The following NECTIN2 variants were observed in gnomAD, a reference collection of about 807,000 sequenced individuals.
The protein encoded by NECTIN2 is nectin cell adhesion molecule 2, also known as nectin-2.
In NECTIN2, 23 loss-of-function variants were observed where a neutral mutation model predicts 56.9. The ratio of observed to expected loss-of-function variants is 0.40; its 90% CI spans 0.29 to 0.57. NECTIN2 has a LOEUF of 0.57. Among genes scored for constraint, NECTIN2 ranks in the 20% least tolerant of loss-of-function variants. NECTIN2 has a pLI of 0.38. For missense variants in NECTIN2, 587 were observed against 718.3 expected (o/e 0.82, Z 2.09); for synonymous variants, 302 against 313.8 (o/e 0.96, Z 0.40).
intron 2 of NECTIN2, 38 bp from the exon 3 acceptor site, chr19:44,871,815 G>T (rs371213833): frequency 1.0e-5 from 16 of 1,593,740 alleles, no homozygotes; most frequent in Non-Finnish European, 1.2e-5. Flanking sequence ...AATGACTGCC[G>T]GTGAGGAGTG....
chr19:44,859,134 G>T (rs1049050672), intron 1 of NECTIN2, among the ~76,000 whole-genome samples: 2 of 152,150 alleles, frequency 1.3e-5, no homozygotes, highest in African/African-American at 4.8e-5. Context: ...CGCCTCCATG[G>T]CCCATCTCCA....
rs1464875333 is a variant in NECTIN2, at chr19:44,874,765, G to GA, written c.1042+288dup. 3.6e-5 allele frequency: 13 copies of GA among 359,934 alleles called. No individual in the cohort carries two copies. In the Admixed American group the frequency reaches 4.5e-4, roughly 12 times the overall value. The allele number at this position is 359,934 out of a possible 1,614,324, so 22.3% of individuals were successfully genotyped here. A position where few individuals can be genotyped will look rare whatever the true frequency, so the allele number is the denominator to read the frequency against. ...GGGTAGGGTCCTCACGAATAGACCC[G>GA]AGGAAGCTGCCCTGGGCTCCAGCTC... On this transcript the variant is annotated intron_variant, in intron 5 of 8. Coordinates refer to ENST00000252483, the MANE Select transcript of NECTIN2 (RefSeq NM_001042724.2). This position sits in a 1 kb window ranked among gnomAD's most constrained non-coding sequence, Gnocchi z 6.3.
At chr19:44,869,641 A>G (rs180727863) in intron 2 of NECTIN2, among the ~76,000 whole-genome samples, 1 of 151,508 alleles carries the variant, frequency 6.6e-6, no homozygotes, top group Non-Finnish European at 1.5e-5. Context: ...GTAGGGTTTA[A>G]TCAAGCCCAA....
chr19:44,860,093 G>C (rs775851138), intron 1 of NECTIN2, among the ~76,000 whole-genome samples: 1 of 152,188 alleles, frequency 6.6e-6, no homozygotes, highest in Non-Finnish European at 1.5e-5. Flanking sequence ...CCAAGTGAAA[G>C]AAGCCAGACA....
intron 1 of NECTIN2, among the ~76,000 whole-genome samples, chr19:44,857,143 T>A (rs750095165): frequency 1.3e-5 from 2 of 152,106 alleles, no homozygotes; most frequent in Non-Finnish European, 2.9e-5. Flanking sequence ...GTATAGAGTT[T>A]ATTCAAGCCT....
intron 3 of NECTIN2, among the ~76,000 whole-genome samples, chr19:44,872,615 CCGTTA>C (rs1468069017): frequency 6.6e-6 from 1 of 151,890 alleles, no homozygotes; most frequent in Non-Finnish European, 1.5e-5. Context: ...TGCCCCTGGA[CCGTTA>C]GATCAATCAT....
chr19:44,874,267 G>A lies in NECTIN2; in HGVS notation c.894-63G>A. ...GGCTCCTGGTGGGTGTATCTTTAGGGATGAGGCCTGTGCTCCCCTCTCGAC... is the reference window on the plus strand; with the variant it reads ...GGCTCCTGGTGGGTGTATCTTTAGGAATGAGGCCTGTGCTCCCCTCTCGAC... On this transcript the variant is annotated intron_variant, in intron 4 of 8. Transcript: ENST00000252483. This position sits in a 1 kb window ranked among gnomAD's most constrained non-coding sequence, Gnocchi z 6.3. 6.4e-7 allele frequency: 1 copy of A among 1,561,820 alleles called. No individual in the cohort carries two copies. Among genetic ancestry groups the A allele is most frequent in the Admixed American group, 1.7e-5 (1 of 59,768 alleles).
intron 1 of NECTIN2, among the ~76,000 whole-genome samples, chr19:44,864,021 C>CT (rs1555786377): frequency 6.6e-5 from 10 of 151,236 alleles, no homozygotes; most frequent in South Asian, 4.2e-4. Context: ...TTCCCCCCCC[C>CT]CAAAAAAAAA....
chr19:44,886,888 A>G (rs1370594897), intron 8 of NECTIN2, among the ~76,000 whole-genome samples: 1 of 152,016 alleles, frequency 6.6e-6, no homozygotes, highest in Admixed American at 6.6e-5. Flanking sequence ...TGCGTCTACA[A>G]AAATACTGAA....
chr19:44,878,435 G>A (rs1224639153), intron 5 of NECTIN2: 4 of 1,588,084 alleles, frequency 2.5e-6, no homozygotes, highest in East Asian at 2.3e-5. Context: ...GGGAAATGGG[G>A]ACCCCGTCTT....
Position 44,865,064 on chromosome 19 carries a change from G to A in NECTIN2, c.89-207G>A, listed in dbSNP as rs1188354422. On this transcript the variant is annotated intron_variant, in intron 1 of 8. Coordinates refer to ENST00000252483, the MANE Select transcript of NECTIN2 (RefSeq NM_001042724.2). This position sits in a 1 kb window ranked among gnomAD's most constrained non-coding sequence, Gnocchi z 5.2. ...TATGTAATATGAACTCATAGTACAC[G>A]TTATAGTTGTATAATAGAATAGTCA... Among the ~76,000 whole-genome samples the A allele has an allele frequency of 2.6e-5, 4 of 152,178 alleles. No individual in the cohort carries two copies. Among genetic ancestry groups the A allele is most frequent in the Non-Finnish European group, 4.4e-5 (3 of 68,042 alleles).
At chr19:44,882,165 G>A in intron 5 of NECTIN2, 46 bp from the exon 6 acceptor site, 1 of 1,371,280 alleles carries the variant, frequency 7.3e-7, no homozygotes, top group South Asian at 1.9e-5. Context: ...ATAAGGAGCT[G>A]TGGCTTCCTC....
chr19:44,864,014 C>CCA (rs1969064984), intron 1 of NECTIN2, among the ~76,000 whole-genome samples: 1 of 150,436 alleles, frequency 6.6e-6, no homozygotes, highest in African/African-American at 2.5e-5. Context: ...CAGAGGATTC[C>CCA]CCCCCCCCAA....
At chr19:44,879,737 CA>C (rs1453592244) in intron 5 of NECTIN2, among the ~76,000 whole-genome samples, 1 of 152,190 alleles carries the variant, frequency 6.6e-6, no homozygotes, top group Non-Finnish European at 1.5e-5. Flanking sequence ...TCCTCTGTAA[CA>C]CGGGGCAGGT....
At position 44,852,435 on chromosome 19, in the gene NECTIN2, G is replaced by GT. The variant is rs11356850; in HGVS notation, c.88+5832dup. Among the ~76,000 whole-genome samples the GT allele has an allele frequency of 2.4e-3, 347 of 142,184 alleles. 1 individual carries two copies. Among genetic ancestry groups the GT allele is most frequent in the African/African-American group, 7.0e-3 (268 of 38,522 alleles). 93.3% of individuals were successfully genotyped at this position (142,184 alleles called of 152,430 possible). A position where few individuals can be genotyped will look rare whatever the true frequency, so the allele number is the denominator to read the frequency against. On this transcript the variant is annotated intron_variant, in intron 1 of 8. Transcript: ENST00000252483. Reference sequence around the variant, plus strand: ...TTTTCTTTCTCTTTTTGTTTTTTTTGTTTTTTTTTTGAGACATGGTAGCCA... The same window carrying GT: ...TTTTCTTTCTCTTTTTGTTTTTTTTGTTTTTTTTTTTGAGACATGGTAGCCA...
chr19:44,849,937 G>A (rs760668560), intron 1 of NECTIN2, among the ~76,000 whole-genome samples: 5 of 152,160 alleles, frequency 3.3e-5, no homozygotes, highest in Non-Finnish European at 7.3e-5. Context: ...CTTTAAATGG[G>A]TAGATTGTAT....
At chr19:44,855,252 C>T (rs571498143) in intron 1 of NECTIN2, among the ~76,000 whole-genome samples, 2 of 150,268 alleles carry the variant, frequency 1.3e-5, no homozygotes, top group Non-Finnish European at 3.0e-5. Context: ...GGTGAAACCC[C>T]GTCTCTACTA....
chr19:44,865,593 C>A lies in NECTIN2; in HGVS notation c.411C>A (p.Asn137Lys). 6.5e-7 allele frequency: 1 copy of A among 1,544,084 alleles called. No homozygotes were observed. Among genetic ancestry groups the A allele is most frequent in the Non-Finnish European group, 8.7e-7 (1 of 1,147,630 alleles). The change falls in exon 2 of 9, where the codon AAC (asparagine) becomes AAA (lysine). Residue 137 changes from asparagine to lysine, a missense_variant. Coordinates refer to ENST00000252483, the MANE Select transcript of NECTIN2 (RefSeq NM_001042724.2). The surrounding 1 kb of genome is among the most constrained non-coding windows in gnomAD (Gnocchi z 5.2). Reference protein sequence around the residue: ...LHGLTVEDEGNYTCEFATFPK... With the variant: ...LHGLTVEDEGKYTCEFATFPK... ...GGCTCACGGTGGAGGACGAGGGCAA[C>A]TACACTTGCGAGTTTGCCACCTTCC...
At chr19:44,854,639 C>T (rs1309617794) in intron 1 of NECTIN2, among the ~76,000 whole-genome samples, 2 of 151,730 alleles carry the variant, frequency 1.3e-5, no homozygotes, top group Non-Finnish European at 1.5e-5. Flanking sequence ...ATGGCGAAAC[C>T]CCATCTCTAC....
Sources: gnomAD v4.1 joint callset for allele counts (sites outside exome capture counted in the v4.1 genomes callset) on GRCh38, gnomAD v4.1.1 for gene constraint, Gnocchi (gnomAD v3.1) non-coding constraint, MANE v1.5 for transcripts, NCBI Gene and HGNC (gene_info 2026-07-23, HGNC 2026-07-21) for gene names.